The following KMT2C variants were observed in gnomAD, a reference collection of about 807,000 sequenced individuals.
The protein encoded by KMT2C is lysine methyltransferase 2C.
A neutral mutation model predicts 507.9 loss-of-function variants in KMT2C; 88 were observed. The ratio of observed to expected loss-of-function variants is 0.17; its 90% CI spans 0.15 to 0.21. The LOEUF is 0.21. KMT2C is among the 10% of genes least tolerant of loss of function. The pLI is 1.00. For synonymous variants in KMT2C, 2,049 were observed against 2,080.8 expected (o/e 0.98, Z 0.42); for missense variants, 4,954 against 5,957.8 (o/e 0.83, Z 5.55).
intron 13 of KMT2C, among the ~76,000 whole-genome samples, chr7:152,249,646 A>G (rs531444851): frequency 1.4e-5 from 2 of 140,582 alleles, no homozygotes; most frequent in South Asian, 2.3e-4. Context: ...AAAGTACAAA[A>G]TATTTTTAAT....
chr7:152,274,437 C>T (rs62478867), intron 6 of KMT2C, among the ~76,000 whole-genome samples: 2 of 151,680 alleles, frequency 1.3e-5, no homozygotes, highest in East Asian at 3.9e-4. Context: ...GAAATGTGGG[C>T]GAAAAAAAAT....
chr7:152,324,983 G>A (rs530224722), intron 3 of KMT2C, among the ~76,000 whole-genome samples: 1 of 152,026 alleles, frequency 6.6e-6, no homozygotes, highest in East Asian at 1.9e-4. Context: ...TTCTACAGAA[G>A]CTTCTTCTTA....
rs2093484010 is a variant in KMT2C, at chr7:152,182,992, C to T, written c.5247G>A (p.Gln1749=). Residue 1749 remains glutamine (Q), a synonymous_variant, in exon 35 of 59, where the codon CAG becomes CAA. Transcript: ENST00000262189. The part of the protein sequence containing the change: ...PLKQRESEHE[Q]EWKFRQQMRQ... Reference sequence around the variant, plus strand: ...TCCATACCTGTCTAAATTTCCATTCCTGTTCATGTTCTGATTCTCTTTGCT... The same window carrying T: ...TCCATACCTGTCTAAATTTCCATTCTTGTTCATGTTCTGATTCTCTTTGCT... 6.3e-7 allele frequency: 1 copy of T among 1,590,254 alleles called. No homozygotes were observed. The highest frequency in any genetic ancestry group is 8.5e-7 in the Non-Finnish European group (1 of 1,173,078).
Position 152,297,043 on chromosome 7 carries a change from A to C in KMT2C, c.849+12923T>G, listed in dbSNP as rs13227050. Among the ~76,000 whole-genome samples, 456 of 83,406 alleles carry C rather than the reference A, an allele frequency of 5.5e-3. 4 individuals are homozygous for C. Among genetic ancestry groups the C allele is most frequent in the African/African-American group, 0.012 (244 of 19,936 alleles). The allele number at this position is 83,406 out of a possible 152,430, so 54.7% of individuals were successfully genotyped here. ...AAAGAAAGAAAGAAAGAAAGAAAGAAAGAAAGAAAGACAGAGAGAGAGAGA... is the reference window on the plus strand; with the variant it reads ...AAAGAAAGAAAGAAAGAAAGAAAGACAGAAAGAAAGACAGAGAGAGAGAGA... On this transcript the variant is annotated intron_variant, in intron 6 of 58. Transcript: ENST00000262189.
chr7:152,427,581 A>G (rs532304606), intron 1 of KMT2C, among the ~76,000 whole-genome samples: 15 of 152,242 alleles, frequency 9.9e-5, no homozygotes, highest in Non-Finnish European at 1.9e-4. Context: ...TTTCTCTACT[A>G]CTAATACTGC....
At chr7:152,327,685 G>A (rs191316073) in intron 3 of KMT2C, among the ~76,000 whole-genome samples, 31 of 152,172 alleles carry the variant, frequency 2.0e-4, no homozygotes, top group East Asian at 3.9e-4. Context: ...TGGGCCGGGC[G>A]CGGTGACTCA....
intron 46 of KMT2C, among the ~76,000 whole-genome samples, chr7:152,155,486 C>A (rs1587744073): frequency 6.6e-6 from 1 of 152,170 alleles, no homozygotes; most frequent in Admixed American, 6.5e-5. Flanking sequence ...AAACTCTCTT[C>A]CACGACGGCG....
At chr7:152,401,670 A>C (rs938884265) in intron 1 of KMT2C, among the ~76,000 whole-genome samples, 3 of 152,294 alleles carry the variant, frequency 2.0e-5, no homozygotes, top group Admixed American at 6.5e-5. Context: ...AAGCCTGGGC[A>C]ACAGAGCAAG....
chr7:152,428,458 CAA>C (rs140697569), intron 1 of KMT2C, among the ~76,000 whole-genome samples: 5,397 of 73,526 alleles, frequency 0.073, 147 homozygotes, highest in African/African-American at 0.14. Context: ...ACTAAAAATA[CAA>C]AAAAAAAAAA....
intron 12 of KMT2C, among the ~76,000 whole-genome samples, chr7:152,250,335 C>G (rs1487726948): frequency 6.6e-6 from 1 of 152,086 alleles, no homozygotes; most frequent in Non-Finnish European, 1.5e-5. Flanking sequence ...ACACCAAAGA[C>G]TTTCAGATGA....
At chr7:152,388,750 C>CTTT (rs35457701) in intron 1 of KMT2C, among the ~76,000 whole-genome samples, 11 of 148,128 alleles carry the variant, frequency 7.4e-5, no homozygotes, top group African/African-American at 2.5e-4. Context: ...ACTACTTAGA[C>CTTT]TTTTTTTTTT....
At chr7:152,214,084 T>C (rs1427524929) in intron 23 of KMT2C, among the ~76,000 whole-genome samples, 1 of 152,052 alleles carries the variant, frequency 6.6e-6, no homozygotes, top group Non-Finnish European at 1.5e-5. Context: ...TTGGTGAGGA[T>C]GTGTAGAAAA....
intron 1 of KMT2C, among the ~76,000 whole-genome samples, chr7:152,400,460 C>G (rs910148609): frequency 3.3e-5 from 5 of 152,140 alleles, no homozygotes; most frequent in African/African-American, 7.2e-5. Flanking sequence ...AAAGAAGGCT[C>G]TAAAGGGATG....
intron 1 of KMT2C, among the ~76,000 whole-genome samples, chr7:152,429,543 CAG>C (rs1179742706): frequency 6.6e-6 from 1 of 150,616 alleles, no homozygotes; most frequent in African/African-American, 2.4e-5. Context: ...CTTTTTGAGA[CAG>C]AGTCTCACTC....
intron 51 of KMT2C, 60 bp from the exon 52 acceptor site, chr7:152,149,212 CTT>C (rs1158573409): frequency 7.0e-7 from 1 of 1,428,988 alleles, no homozygotes; most frequent in Non-Finnish European, 9.1e-7. Flanking sequence ...GAAAGCAATT[CTT>C]GTTAAGACAA....
At chr7:152,214,890 T>C (rs556021551) in intron 23 of KMT2C, among the ~76,000 whole-genome samples, 2 of 152,188 alleles carry the variant, frequency 1.3e-5, no homozygotes, top group South Asian at 4.2e-4. Flanking sequence ...ATCAAATTAA[T>C]ACACAGCATG....
Position 152,353,019 on chromosome 7 carries a change from CAAG to C in KMT2C, c.250+5565_250+5567del, listed in dbSNP as rs1424241729. 4.6e-5 allele frequency among the ~76,000 whole-genome samples: 7 copies of C among 151,820 alleles called. No individual in the cohort carries two copies. The South Asian group carries it at 1.5e-3, about 32-fold the overall frequency. On this transcript the variant is annotated intron_variant, in intron 2 of 58. Coordinates refer to ENST00000262189, the MANE Select transcript of KMT2C (RefSeq NM_170606.3). ...TGCAAAGACCTGATTATGTGATTCT[CAAG>C]AAAAAAAAAGTTTCTCTTCTCTTCA...
At chr7:152,366,079 T>TA (rs959191351) in intron 1 of KMT2C, among the ~76,000 whole-genome samples, 4 of 150,924 alleles carry the variant, frequency 2.7e-5, no homozygotes, top group African/African-American at 4.9e-5. Flanking sequence ...CTGTGAAAAA[T>TA]AAAAAAAAGA....
chr7:152,178,021 A>T lies in KMT2C; in HGVS notation c.7443-11T>A, dbSNP rs1490581773. The T allele has an allele frequency of 4.0e-5, 54 of 1,350,766 alleles. No individual in the cohort carries two copies. The African/African-American group carries it at 4.8e-4, about 12-fold the overall frequency. 83.7% of individuals were successfully genotyped at this position (1,350,766 alleles called of 1,614,324 possible). A position where few individuals can be genotyped will look rare whatever the true frequency, so the allele number is the denominator to read the frequency against. On this transcript the variant is annotated splice_polypyrimidine_tract_variant and intron_variant, in intron 37 of 58. Coordinates refer to ENST00000262189, the MANE Select transcript of KMT2C (RefSeq NM_170606.3). ...CCTGGAAATCCAAATCTTTTAAAAA[A>T]AAAAAAAAAAAAAAAAAAAAAGCAA...
Sources: gnomAD v4.1 joint callset for allele counts (sites outside exome capture counted in the v4.1 genomes callset) on GRCh38, gnomAD v4.1.1 for gene constraint, MANE v1.5 for transcripts, NCBI Gene and HGNC (gene_info 2026-07-23, HGNC 2026-07-21) for gene names.